PTPRN2: variants seen among roughly 807,000 people sequenced by gnomAD.
PTPRN2 encodes the protein protein tyrosine phosphatase receptor type N2.
In PTPRN2, 74 loss-of-function variants were observed where a neutral mutation model predicts 118.8. That is an observed-to-expected ratio of 0.62 (90% CI 0.52 to 0.76). The LOEUF (loss-of-function observed/expected upper bound fraction) is 0.76, where lower values mean the gene tolerates loss of function less well. Among genes scored for constraint, PTPRN2 ranks in the 30% least tolerant of loss-of-function variants. The probability of loss-of-function intolerance (pLI) is 0.00; values close to 1 mark genes in which losing one functional copy is unlikely to be tolerated. For missense variants in PTPRN2, 1,481 were observed against 1,394.4 expected (o/e 1.06, Z -0.99); for synonymous variants, 641 against 608.0 (o/e 1.05, Z -0.80).
chr7:158,217,317 G>T (rs1828023143), intron 3 of PTPRN2, among the ~76,000 whole-genome samples: 1 of 152,172 alleles, frequency 6.6e-6, no homozygotes, highest in African/African-American at 2.4e-5. Flanking sequence ...AGGTCACCAG[G>T]GTTAGAGCAT....
At chr7:157,644,805 A>AC (rs1554512586) in intron 14 of PTPRN2, among the ~76,000 whole-genome samples, 833 of 76,224 alleles carry the variant, frequency 0.011, 3 homozygotes, top group Admixed American at 0.017. Context: ...CAAAAAACAA[A>AC]AAAAAAAAAA....
chr7:158,258,662 C>A (rs1797187327), intron 3 of PTPRN2, among the ~76,000 whole-genome samples: 1 of 152,206 alleles, frequency 6.6e-6, no homozygotes, highest in Admixed American at 6.5e-5. Context: ...TTCCCTGAAG[C>A]CTTTCCTGGA....
chr7:158,476,722 G>A (rs1820293146), intron 2 of PTPRN2, among the ~76,000 whole-genome samples: 2 of 152,374 alleles, frequency 1.3e-5, no homozygotes, highest in South Asian at 2.1e-4. Context: ...TAAAACGAGG[G>A]CGTCCTTAGC....
rs140892852 is a variant in PTPRN2 at position 158,137,374 on chromosome 7, G to A, written c.1133-679C>T. On this transcript the variant is annotated intron_variant, in intron 7 of 22. Coordinates refer to ENST00000389418, the MANE Select transcript of PTPRN2 (RefSeq NM_002847.5). ...AAAGTTTGCAGTGAGCCGAGATCAC[G>A]TCACCGCACTCCAGCCTGGGTGACA... Among the ~76,000 whole-genome samples, 1,465 of 152,218 alleles carry A rather than the reference G, an allele frequency of 9.6e-3. 38 individuals carry two copies. Among genetic ancestry groups the A allele is most frequent in the African/African-American group, 0.034 (1,391 of 41,518 alleles).
chr7:158,264,842 G>T (rs566854711), intron 3 of PTPRN2, among the ~76,000 whole-genome samples: 27 of 152,316 alleles, frequency 1.8e-4, no homozygotes, highest in African/African-American at 6.5e-4. Context: ...TGGGGTCCCT[G>T]GTCCTTGCTG....
At chr7:157,709,477 C>T (rs766219344) in intron 12 of PTPRN2, among the ~76,000 whole-genome samples, 43 of 152,186 alleles carry the variant, frequency 2.8e-4, no homozygotes, top group Non-Finnish European at 6.0e-4. Context: ...CTGGGTTACT[C>T]GGACATCTAG....
rs1802278937 is a variant in PTPRN2, at chr7:157,763,673, T to A, written c.1789-80736A>T. On this transcript the variant is annotated intron_variant, in intron 12 of 22. Transcript: ENST00000389418. This position sits in a 1 kb window ranked among gnomAD's most constrained non-coding sequence, Gnocchi z 4.9. ...GCCTCACTGCTTGGTTTCCTCTTCA[T>A]TCGGAATTAATTCCTCCCTTGGATG... Among the ~76,000 whole-genome samples, 1 of 152,058 alleles carries A rather than the reference T, an allele frequency of 6.6e-6. No individual in the cohort carries two copies. Among genetic ancestry groups the A allele is most frequent in the African/African-American group, 2.4e-5 (1 of 41,432 alleles).
chr7:157,828,407 G>A (rs1369058358), intron 12 of PTPRN2, among the ~76,000 whole-genome samples: 1 of 152,168 alleles, frequency 6.6e-6, no homozygotes, highest in African/African-American at 2.4e-5. Flanking sequence ...CCCCACTTCC[G>A]CAAGCCCTCG....
intron 12 of PTPRN2, among the ~76,000 whole-genome samples, chr7:157,796,720 C>T (rs951719606): frequency 4.6e-5 from 7 of 152,164 alleles, no homozygotes; most frequent in African/African-American, 1.2e-4. Flanking sequence ...AGCTTCCAGT[C>T]ACGGTGGAAG....
At chr7:157,958,123 C>A (rs1344907149) in intron 11 of PTPRN2, among the ~76,000 whole-genome samples, 1 of 152,102 alleles carries the variant, frequency 6.6e-6, no homozygotes, top group African/African-American at 2.4e-5. Context: ...CAATACACCC[C>A]ACTAACAGAA....
At chr7:157,783,940 T>C (rs1312681018) in intron 12 of PTPRN2, among the ~76,000 whole-genome samples, 2 of 152,146 alleles carry the variant, frequency 1.3e-5, no homozygotes, top group Non-Finnish European at 2.9e-5. Flanking sequence ...GAATGGAGGA[T>C]ATTCCATCTC....
intron 9 of PTPRN2, among the ~76,000 whole-genome samples, chr7:158,125,372 C>T (rs369121030): frequency 1.8e-4 from 27 of 148,116 alleles, no homozygotes; most frequent in South Asian, 6.6e-4. Context: ...GTCCCTCCCA[C>T]GGCCACCCCC....
Position 158,077,249 on chromosome 7 carries a change from G to A in PTPRN2, c.1723+4049C>T, listed in dbSNP as rs377367894. Among the ~76,000 whole-genome samples, 345 of 152,284 alleles carry A rather than the reference G, an allele frequency of 2.3e-3. 1 individual carries two copies. Among genetic ancestry groups the A allele is most frequent in the African/African-American group, 7.9e-3 (328 of 41,564 alleles). ...CATGTGGACCCGCTACATATGAGAC[G>A]TGAAACACAGACAGCAGCACAGCAG... On this transcript the variant is annotated intron_variant, in intron 11 of 22. Coordinates refer to ENST00000389418, the MANE Select transcript of PTPRN2 (RefSeq NM_002847.5).
At chr7:157,882,639 C>A (rs1333470972) in intron 12 of PTPRN2, among the ~76,000 whole-genome samples, 1 of 150,622 alleles carries the variant, frequency 6.6e-6, no homozygotes, top group Non-Finnish European at 1.5e-5. Context: ...GACCAGAACA[C>A]ACCACCCCAA....
At chr7:157,982,037 C>G (rs1294132816) in intron 11 of PTPRN2, among the ~76,000 whole-genome samples, 1 of 148,692 alleles carries the variant, frequency 6.7e-6, no homozygotes, top group African/African-American at 2.5e-5. Flanking sequence ...GGGGTTCCCC[C>G]CCAAACCCCA....
At chr7:157,993,345 C>A (rs1330096593) in intron 11 of PTPRN2, among the ~76,000 whole-genome samples, 1 of 151,932 alleles carries the variant, frequency 6.6e-6, no homozygotes, top group African/African-American at 2.4e-5. Flanking sequence ...AAAAAACCAC[C>A]TAAGCAGCCC....
chr7:158,194,318 T>C (rs975218380), intron 4 of PTPRN2, among the ~76,000 whole-genome samples: 1 of 152,242 alleles, frequency 6.6e-6, no homozygotes, highest in Non-Finnish European at 1.5e-5. Flanking sequence ...GTATAATTAA[T>C]TGAGTGCGTC....
chr7:158,312,539 TG>T (rs1801917912), intron 3 of PTPRN2, among the ~76,000 whole-genome samples: 1 of 32,704 alleles, frequency 3.1e-5, no homozygotes, highest in East Asian at 6.9e-4. Context: ...TGCACACACA[TG>T]TGCTCCAGTG....
intron 12 of PTPRN2, among the ~76,000 whole-genome samples, chr7:157,734,609 G>GA (rs1416679359): frequency 7.2e-5 from 11 of 152,234 alleles, no homozygotes; most frequent in African/African-American, 2.7e-4. Context: ...ACTAAATGGT[G>GA]ATTCAGCCGA....
Sources: allele counts gnomAD v4.1 joint callset (sites outside exome capture counted in the v4.1 genomes callset), GRCh38; gene constraint gnomAD v4.1.1; non-coding constraint Gnocchi (gnomAD v3.1); transcripts MANE v1.5; gene names NCBI Gene and HGNC (gene_info 2026-07-23, HGNC 2026-07-21).